Variants in MAF observed in about 807,000 individuals in gnomAD.
MAF encodes the protein MAF bZIP transcription factor.
A neutral mutation model predicts 22.0 loss-of-function variants in MAF; 10 were observed. The observed-to-expected ratio is 0.45, with a 90% CI of 0.28 to 0.77. MAF has a LOEUF of 0.77. Among genes scored for constraint, MAF ranks in the 30% least tolerant of loss-of-function variants. The pLI, the probability that MAF is intolerant of heterozygous loss-of-function variation, is 0.12. For missense variants in MAF, 544 were observed against 548.4 expected (o/e 0.99, Z 0.08); for synonymous variants, 337 against 255.8 (o/e 1.32, Z -3.03).
chr16:79,410,859 G>T, the MAF span, among the ~76,000 whole-genome samples: 1 of 152,200 alleles, frequency 6.6e-6, no homozygotes, highest in African/African-American at 2.4e-5. Context: ...CTGATTGGAG[G>T]CAGAGAGGCC....
At chr16:79,545,298 T>C in the MAF span, among the ~76,000 whole-genome samples, 10 of 152,156 alleles carry the variant, frequency 6.6e-5, no homozygotes, top group African/African-American at 2.4e-4. Flanking sequence ...AGTGTCTGTG[T>C]ACTGAGTGAA....
chr16:79,221,483 A>G, the MAF span, among the ~76,000 whole-genome samples: 78 of 152,352 alleles, frequency 5.1e-4, no homozygotes, highest in African/African-American at 1.7e-3. Flanking sequence ...GAACACTCAT[A>G]CATCTATATC....
the MAF span, among the ~76,000 whole-genome samples, chr16:79,415,294 G>A: frequency 6.6e-6 from 1 of 150,640 alleles, no homozygotes; most frequent in Non-Finnish European, 1.5e-5. Flanking sequence ...AGGGAGGGAG[G>A]GAAGGAAGGG....
chr16:79,495,764 C>T, the MAF span, among the ~76,000 whole-genome samples: 1 of 152,130 alleles, frequency 6.6e-6, no homozygotes, highest in East Asian at 1.9e-4. Flanking sequence ...ATGCATGGGA[C>T]TTCTGCAAGG....
At chr16:79,250,257 T>C in the MAF span, among the ~76,000 whole-genome samples, 26 of 152,262 alleles carry the variant, frequency 1.7e-4, no homozygotes, top group Non-Finnish European at 3.2e-4. Context: ...GACTGTGTTA[T>C]CCTTGCAAAG....
At chr16:79,310,819 G>C in the MAF span, among the ~76,000 whole-genome samples, 1 of 152,138 alleles carries the variant, frequency 6.6e-6, no homozygotes. Context: ...GTCCCTGGTC[G>C]TGTTCCAAAG....
At chr16:79,241,150 A>C in the MAF span, among the ~76,000 whole-genome samples, 4 of 151,976 alleles carry the variant, frequency 2.6e-5, no homozygotes, top group African/African-American at 9.7e-5. Flanking sequence ...AAGGATCACA[A>C]CTCTTCCCCA....
At chr16:79,413,237 T>A in the MAF span, among the ~76,000 whole-genome samples, 1 of 78,132 alleles carries the variant, frequency 1.3e-5, no homozygotes, top group African/African-American at 5.3e-5. Flanking sequence ...TTTTTTTTTT[T>A]TTTTTTTTTT....
the MAF span, among the ~76,000 whole-genome samples, chr16:79,493,186 TG>T: frequency 6.6e-6 from 1 of 152,090 alleles, no homozygotes; most frequent in Non-Finnish European, 1.5e-5. Flanking sequence ...TTTGTTTTTT[TG>T]TTTTTGTTTT....
chr16:79,315,755 G>A, the MAF span, among the ~76,000 whole-genome samples: 296 of 152,312 alleles, frequency 1.9e-3, no homozygotes, highest in Middle Eastern at 6.8e-3. Flanking sequence ...GTTATTGAGA[G>A]CAGGAATTAA....
chr16:79,382,970 C>T, the MAF span, among the ~76,000 whole-genome samples: 3,277 of 152,296 alleles, frequency 0.022, 45 homozygotes, highest in South Asian at 0.037. Context: ...CATTCATTCA[C>T]TCATTCATCC....
the MAF span, among the ~76,000 whole-genome samples, chr16:79,578,414 C>A: frequency 1.1e-4 from 16 of 151,980 alleles, no homozygotes; most frequent in Admixed American, 3.3e-4. Context: ...TATATTGATA[C>A]TCATGATCAA....
At chr16:79,271,028 G>C in the MAF span, among the ~76,000 whole-genome samples, 1 of 151,476 alleles carries the variant, frequency 6.6e-6, no homozygotes, top group African/African-American at 2.4e-5. Context: ...AGCCTCCCGA[G>C]TAGCTGGGAT....
the MAF span, among the ~76,000 whole-genome samples, chr16:79,568,404 G>A: frequency 0.1 from 15,335 of 152,204 alleles, 837 homozygotes; most frequent in Non-Finnish European, 0.11. Context: ...AAATGGGAAG[G>A]CCTGTAGGGA....
the MAF span, among the ~76,000 whole-genome samples, chr16:79,307,351 G>C: frequency 6.6e-6 from 1 of 152,196 alleles, no homozygotes; most frequent in East Asian, 1.9e-4. Context: ...GACGTGGTTG[G>C]TCCCCTTGTT....
the MAF span, among the ~76,000 whole-genome samples, chr16:79,306,319 C>T: frequency 3.3e-5 from 5 of 152,190 alleles, no homozygotes; most frequent in Non-Finnish European, 7.3e-5. Flanking sequence ...GAGACAGCAA[C>T]AGTACCACCC....
At chr16:79,497,346 C>T in the MAF span, among the ~76,000 whole-genome samples, 1 of 152,188 alleles carries the variant, frequency 6.6e-6, no homozygotes, top group Non-Finnish European at 1.5e-5. Flanking sequence ...GGATCAGATG[C>T]TGCCATGTAT....
chr16:79,590,147 C>G (rs950575241), downstream of MAF, among the ~76,000 whole-genome samples: 1 of 152,130 alleles, frequency 6.6e-6, no homozygotes, highest in South Asian at 2.1e-4. Context: ...CTATTGGGCC[C>G]CGCAGAACCC....
the MAF span, among the ~76,000 whole-genome samples, chr16:79,278,590 T>C: frequency 6.6e-6 from 1 of 152,186 alleles, no homozygotes; most frequent in Admixed American, 6.5e-5. Context: ...CTGCTTGAAG[T>C]ATTGCTTTTT....
Sources: allele counts gnomAD v4.1 joint callset (sites outside exome capture counted in the v4.1 genomes callset), GRCh38; gene constraint gnomAD v4.1.1; transcripts MANE v1.5; gene names NCBI Gene and HGNC (gene_info 2026-07-23, HGNC 2026-07-21).